Variants in STRA8 observed in about 807,000 individuals in gnomAD.
STRA8 encodes the protein stimulated by retinoic acid gene 8 protein homolog.
A neutral mutation model predicts 37.1 loss-of-function variants in STRA8; 18 were observed. The observed-to-expected ratio is 0.48, with a 90% CI of 0.34 to 0.72. STRA8 has a LOEUF of 0.72. STRA8 is among the 30% of genes least tolerant of loss of function. The pLI, the probability that STRA8 is intolerant of heterozygous loss-of-function variation, is 0.01. For missense variants in STRA8, 357 were observed against 410.4 expected (o/e 0.87, Z 1.13); for synonymous variants, 168 against 162.9 (o/e 1.03, Z -0.24).
At chr7:135,248,001 C>A (rs1832589467) in intron 6 of STRA8, among the ~76,000 whole-genome samples, 1 of 152,214 alleles carries the variant, frequency 6.6e-6, no homozygotes, top group African/African-American at 2.4e-5. Context: ...TGATACAGGC[C>A]ACCCCCTTGC....
intron 6 of STRA8, among the ~76,000 whole-genome samples, chr7:135,249,198 C>T (rs1048881832): frequency 2.6e-5 from 4 of 152,064 alleles, no homozygotes; most frequent in African/African-American, 4.8e-5. Flanking sequence ...ATATGGCACT[C>T]GATATTGGCA....
At chr7:135,252,521 T>G (rs538232297) in intron 7 of STRA8, among the ~76,000 whole-genome samples, 1 of 152,306 alleles carries the variant, frequency 6.6e-6, no homozygotes, top group East Asian at 1.9e-4. Context: ...TTTCTGTGAT[T>G]GGAAGTGAGC....
At chr7:135,235,247 C>T (rs1387798144) in intron 1 of STRA8, among the ~76,000 whole-genome samples, 1 of 152,166 alleles carries the variant, frequency 6.6e-6, no homozygotes, top group East Asian at 1.9e-4. Flanking sequence ...TTTTGGGCTC[C>T]AGTTTCCTGC....
rs768910081 is a variant in STRA8 at position 135,251,819 on chromosome 7, T to C, written c.903T>C (p.Asp301=). 1.9e-6 allele frequency: 3 copies of C among 1,614,182 alleles called. No individual in the cohort carries two copies. The South Asian group carries it at 3.3e-5, about 18-fold the overall frequency. ...AGATCCTTTTTGAGGATGCCTTTGA[T>C]GTGGCAAGCTTCCTGGACAAAAGTG... ...PEEILFEDAF[D]VASFLDKSEV... The change falls in exon 7 of 9, where the codon GAT becomes GAC. Residue 301 remains aspartate, a synonymous_variant. Coordinates refer to ENST00000662584, the MANE Select transcript of STRA8 (RefSeq NM_001394401.1).
At chr7:135,249,570 G>A (rs1389756885) in intron 6 of STRA8, among the ~76,000 whole-genome samples, 3 of 152,192 alleles carry the variant, frequency 2.0e-5, no homozygotes, top group Non-Finnish European at 4.4e-5. Flanking sequence ...GGTGACAAGA[G>A]TAAAACTCTG....
At chr7:135,243,020 T>C (rs911662777) in intron 3 of STRA8, among the ~76,000 whole-genome samples, 164 bp downstream of exon 3, 10 of 152,230 alleles carry the variant, frequency 6.6e-5, no homozygotes, top group African/African-American at 2.2e-4. Context: ...GTCCCTGTCC[T>C]TAGTGAGCCT....
intron 6 of STRA8, among the ~76,000 whole-genome samples, chr7:135,248,767 A>G (rs1832600261): frequency 6.6e-6 from 1 of 152,132 alleles, no homozygotes; most frequent in Non-Finnish European, 1.5e-5. Context: ...TGCATTTTTA[A>G]CAAGCTTCCC....
Position 135,246,126 on chromosome 7 carries a change from T to C in STRA8, c.594-291T>C. 1 of 475,994 alleles carries C rather than the reference T, an allele frequency of 2.1e-6. No individual in the cohort carries two copies. The highest frequency in any genetic ancestry group is 3.8e-6 in the Non-Finnish European group (1 of 264,174). The allele number at this position is 475,994 out of a possible 1,614,324, so 29.5% of individuals were successfully genotyped here. On this transcript the variant is annotated intron_variant, in intron 5 of 8. Coordinates refer to ENST00000662584, the MANE Select transcript of STRA8 (RefSeq NM_001394401.1). The surrounding 1 kb of genome is among the most constrained non-coding windows in gnomAD (Gnocchi z 5.4). ...AAGAATATTCCCTTAGGATGAGAGC[T>C]GAGGCAGCTACGCCTCTTATCTGCT...
chr7:135,251,985 G>C, intron 7 of STRA8, 116 bp downstream of exon 7: 2 of 925,162 alleles, frequency 2.2e-6, no homozygotes, highest in Non-Finnish European at 1.8e-6. Flanking sequence ...GTCAGAGACA[G>C]AGAGAGGAGA....
intron 1 of STRA8, among the ~76,000 whole-genome samples, chr7:135,236,958 A>G (rs1438271029): frequency 6.6e-6 from 1 of 152,222 alleles, no homozygotes; most frequent in Non-Finnish European, 1.5e-5. Context: ...TGCTTGACAC[A>G]CAGGTGCCGA....
At chr7:135,244,408 T>C (rs1832514876) in intron 4 of STRA8, among the ~76,000 whole-genome samples, 1 of 152,216 alleles carries the variant, frequency 6.6e-6, no homozygotes, top group Non-Finnish European at 1.5e-5. Flanking sequence ...TTCCTCTAAG[T>C]ATAAAGAGAT....
Position 135,240,728 on chromosome 7 carries a change from T to G in STRA8, c.192+12T>G. On this transcript the variant is annotated intron_variant, in intron 2 of 8. Coordinates refer to ENST00000662584, the MANE Select transcript of STRA8 (RefSeq NM_001394401.1). ...TCATAGCCTCAAAGGTATGGGGACC[T>G]GGAGGAGGAGAGGGGACATCTCCAC... 1 of 1,613,162 alleles carries G rather than the reference T, an allele frequency of 6.2e-7. No homozygotes were observed. Among genetic ancestry groups the G allele is most frequent in the Non-Finnish European group, 8.5e-7 (1 of 1,179,458 alleles).
chr7:135,252,270 G>A (rs979888968), intron 7 of STRA8, among the ~76,000 whole-genome samples: 7 of 152,136 alleles, frequency 4.6e-5, no homozygotes, highest in African/African-American at 1.7e-4. Context: ...CTCACATGGT[G>A]ACAGGAGAGA....
chr7:135,248,983 T>G (rs1832603171), intron 6 of STRA8, among the ~76,000 whole-genome samples: 2 of 152,130 alleles, frequency 1.3e-5, no homozygotes, highest in South Asian at 4.1e-4. Context: ...GCCAGAAGAT[T>G]AGGACCTCAT....
rs375387980 is a variant in STRA8, at chr7:135,246,413, C to G, written c.594-4C>G. 67 of 1,599,114 alleles carry G rather than the reference C, an allele frequency of 4.2e-5. No homozygotes were observed. Among genetic ancestry groups the G allele is most frequent in the Non-Finnish European group, 5.4e-5 (63 of 1,172,082 alleles). ...GGTGCGAGACGGCGCCGCTTCTGTT[C>G]CAGGTATCTCAACTTTTACAAACAG... On this transcript the variant is annotated splice_polypyrimidine_tract_variant and splice_region_variant and intron_variant, in intron 5 of 8. Coordinates refer to ENST00000662584, the MANE Select transcript of STRA8 (RefSeq NM_001394401.1). The surrounding 1 kb of genome is among the most constrained non-coding windows in gnomAD (Gnocchi z 5.4).
intron 8 of STRA8, among the ~76,000 whole-genome samples, chr7:135,256,592 C>T (rs1382132619): frequency 1.3e-5 from 2 of 152,122 alleles, no homozygotes; most frequent in African/African-American, 2.4e-5. Context: ...ATCACTTGAT[C>T]CCAGGATTTC....
At chr7:135,237,765 G>A (rs1487813285) in intron 1 of STRA8, among the ~76,000 whole-genome samples, 3 of 152,008 alleles carry the variant, frequency 2.0e-5, no homozygotes, top group African/African-American at 4.8e-5. Flanking sequence ...GGTGGTGGGC[G>A]CCTGTAATCC....
upstream of STRA8, among the ~76,000 whole-genome samples, chr7:135,233,619 G>A (rs556364084): frequency 3.3e-5 from 5 of 152,192 alleles, no homozygotes; most frequent in East Asian, 1.9e-4. Context: ...GCGACCCTGC[G>A]AGGTGAGTCA....
chr7:135,237,377 G>T (rs1426724178), intron 1 of STRA8, among the ~76,000 whole-genome samples: 1 of 152,210 alleles, frequency 6.6e-6, no homozygotes, highest in Non-Finnish European at 1.5e-5. Context: ...TTAAGTAACA[G>T]ATCACTTCTT....
Sources: allele counts gnomAD v4.1 joint callset (sites outside exome capture counted in the v4.1 genomes callset), GRCh38; gene constraint gnomAD v4.1.1; non-coding constraint Gnocchi (gnomAD v3.1); transcripts MANE v1.5; gene names NCBI Gene and HGNC (gene_info 2026-07-23, HGNC 2026-07-21).